The following EXT1 variants were observed in gnomAD, a reference collection of about 807,000 sequenced individuals.
EXT1 encodes exostosin glycosyltransferase 1.
A neutral mutation model predicts 82.5 loss-of-function variants in EXT1; 20 were observed. The ratio of observed to expected loss-of-function variants is 0.24; its 90% CI spans 0.17 to 0.35. The LOEUF (loss-of-function observed/expected upper bound fraction) is 0.35, where lower values mean the gene tolerates loss of function less well. Among genes scored for constraint, EXT1 ranks in the 10% least tolerant of loss-of-function variants. The probability of loss-of-function intolerance (pLI) is 1.00; values close to 1 mark genes in which losing one functional copy is unlikely to be tolerated. For missense variants in EXT1, 757 were observed against 936.5 expected (o/e 0.81, Z 2.50); for synonymous variants, 348 against 350.8 (o/e 0.99, Z 0.09).
chr8:117,995,979 T>A (rs1815530818), intron 1 of EXT1, among the ~76,000 whole-genome samples: 1 of 152,216 alleles, frequency 6.6e-6, no homozygotes, highest in East Asian at 1.9e-4. Flanking sequence ...TTTCCAGATA[T>A]GATTATAGCA....
intron 1 of EXT1, among the ~76,000 whole-genome samples, chr8:118,031,385 C>T (rs907525925): frequency 5.3e-5 from 8 of 152,048 alleles, no homozygotes; most frequent in African/African-American, 1.7e-4. Context: ...ATTAGCCAGG[C>T]GTGGTGGCCC....
At chr8:117,928,980 T>C (rs534396673) in intron 1 of EXT1, among the ~76,000 whole-genome samples, 1 of 152,246 alleles carries the variant, frequency 6.6e-6, no homozygotes, top group African/African-American at 2.4e-5. Flanking sequence ...TGAGCCCAGG[T>C]TGATTAAATA....
At chr8:117,857,705 C>CA (rs1554581603) in intron 1 of EXT1, among the ~76,000 whole-genome samples, 8 of 113,654 alleles carry the variant, frequency 7.0e-5, no homozygotes, top group African/African-American at 1.7e-4. Context: ...AAAACTGACT[C>CA]AAAAAAACAA....
intron 1 of EXT1, among the ~76,000 whole-genome samples, chr8:118,107,306 T>C (rs1817817907): frequency 6.6e-6 from 1 of 152,176 alleles, no homozygotes; most frequent in Non-Finnish European, 1.5e-5. Context: ...CCATGGACAC[T>C]TGCTAATAAG....
chr8:117,807,476 G>A, intron 8 of EXT1, 99 bp from the exon 9 acceptor site: 1 of 1,358,448 alleles, frequency 7.4e-7, no homozygotes, highest in South Asian at 1.2e-5. Flanking sequence ...AAAATCCGGG[G>A]ACTGTGGCGA....
intron 1 of EXT1, among the ~76,000 whole-genome samples, chr8:118,096,941 T>C (rs1187457358): frequency 6.6e-6 from 1 of 152,196 alleles, no homozygotes; most frequent in Non-Finnish European, 1.5e-5. Context: ...TAAATAAATG[T>C]AAATTTTTTT....
intron 8 of EXT1, among the ~76,000 whole-genome samples, chr8:117,810,486 A>T (rs1823301782): frequency 6.6e-6 from 1 of 152,188 alleles, no homozygotes; most frequent in South Asian, 2.1e-4. Flanking sequence ...GCATGCATTG[A>T]GTGGTTGGAA....
chr8:117,845,430 C>T (rs1701151124), intron 1 of EXT1, among the ~76,000 whole-genome samples: 1 of 152,106 alleles, frequency 6.6e-6, no homozygotes, highest in South Asian at 2.1e-4. Context: ...GTGGTAATTG[C>T]TACCTGTGTA....
chr8:117,860,647 T>C (rs1245763683), intron 1 of EXT1, among the ~76,000 whole-genome samples: 1 of 152,240 alleles, frequency 6.6e-6, no homozygotes, highest in Non-Finnish European at 1.5e-5. Context: ...GTTTAGTCCC[T>C]GTTGAATCTA....
chr8:118,066,378 T>C (rs1458770068), intron 1 of EXT1, among the ~76,000 whole-genome samples: 2 of 150,782 alleles, frequency 1.3e-5, no homozygotes, highest in Non-Finnish European at 2.9e-5. Flanking sequence ...ATTTATTTAT[T>C]AGACAGAGTC....
At chr8:118,109,604 G>A (rs1188468804) in intron 1 of EXT1, among the ~76,000 whole-genome samples, 1 of 152,078 alleles carries the variant, frequency 6.6e-6, no homozygotes, top group Non-Finnish European at 1.5e-5. Flanking sequence ...TACAGAAAAT[G>A]TGAAGTTGGG....
chr8:117,840,618 G>GAAAAAAAA (rs939631711), intron 1 of EXT1, among the ~76,000 whole-genome samples: 5 of 89,686 alleles, frequency 5.6e-5, no homozygotes, highest in African/African-American at 8.2e-5. Context: ...ATCTCAAAAA[G>GAAAAAAAA]AAAAAAAAAA....
chr8:117,829,020 G>A (rs937597471), intron 4 of EXT1, among the ~76,000 whole-genome samples: 4 of 152,204 alleles, frequency 2.6e-5, no homozygotes, highest in African/African-American at 7.2e-5. Context: ...CTCAGTGTAG[G>A]TTCCATATTA....
rs1823082238 is a variant in EXT1 at position 117,795,845 on chromosome 8, T to TTATG, written c.*3863_*3866dup. 1 of 152,232 alleles carries TTATG rather than the reference T, an allele frequency of 6.6e-6. No individual in the cohort carries two copies. Among genetic ancestry groups the TTATG allele is most frequent in the African/African-American group, 2.4e-5 (1 of 41,544 alleles). The allele number at this position is 152,232 out of a possible 1,614,324, so 9.4% of individuals were successfully genotyped here. On this transcript the variant is annotated 3_prime_UTR_variant, in exon 11 of 11. Coordinates refer to ENST00000378204, the MANE Select transcript of EXT1 (RefSeq NM_000127.3). ...GGTGTCAAAGGATAAACTAATCTCT[T>TTATG]TATGCTGAAGTTCTTATACCAAGTG... is the stretch of plus-strand genomic sequence containing the variant.
At chr8:118,100,008 T>G (rs1486413569) in intron 1 of EXT1, among the ~76,000 whole-genome samples, 1 of 152,100 alleles carries the variant, frequency 6.6e-6, no homozygotes, top group Non-Finnish European at 1.5e-5. Context: ...GACAGGGCAG[T>G]CGTTTCACTG....
At chr8:118,000,787 CAG>C (rs113718599) in intron 1 of EXT1, among the ~76,000 whole-genome samples, 5,227 of 152,168 alleles carry the variant, frequency 0.034, 294 homozygotes, top group African/African-American at 0.12. Flanking sequence ...TCATGGATGT[CAG>C]AGTTAGATTA....
chr8:117,839,874 G>C (rs542461307), intron 1 of EXT1, among the ~76,000 whole-genome samples: 14 of 152,124 alleles, frequency 9.2e-5, no homozygotes, highest in Non-Finnish European at 2.1e-4. Flanking sequence ...TCCAGAGAAG[G>C]TCTTCTCTAG....
At chr8:117,916,814 C>T (rs766396906) in intron 1 of EXT1, among the ~76,000 whole-genome samples, 5 of 151,694 alleles carry the variant, frequency 3.3e-5, no homozygotes, top group South Asian at 2.1e-4. Context: ...GACTGAGGCA[C>T]GAGAATCACT....
intron 10 of EXT1, among the ~76,000 whole-genome samples, chr8:117,801,830 C>T (rs900725944): frequency 1.1e-4 from 17 of 152,188 alleles, no homozygotes; most frequent in African/African-American, 4.1e-4. Context: ...GATTGGCCCA[C>T]TCATTCCCAA....
Sources: gnomAD v4.1 joint callset for allele counts (sites outside exome capture counted in the v4.1 genomes callset) on GRCh38, gnomAD v4.1.1 for gene constraint, MANE v1.5 for transcripts, NCBI Gene and HGNC (gene_info 2026-07-23, HGNC 2026-07-21) for gene names.